P2RY12: variants seen among roughly 807,000 people sequenced by gnomAD.
P2RY12 encodes P2Y purinoceptor 12.
A neutral mutation model predicts 4.5 loss-of-function variants in P2RY12; 3 were observed. That is an observed-to-expected ratio of 0.67 (90% CI 0.31 to 1.74). P2RY12 has a LOEUF of 1.74. Among genes scored for constraint, P2RY12 ranks in the 40% most tolerant of loss-of-function variants. The probability of loss-of-function intolerance (pLI) is 0.09; values close to 1 mark genes in which losing one functional copy is unlikely to be tolerated. For missense variants in P2RY12, 356 were observed against 407.8 expected (o/e 0.87, Z 1.09); for synonymous variants, 148 against 154.1 (o/e 0.96, Z 0.29).
intron 1 of P2RY12, chr3:151,369,446 C>A: frequency 6.2e-7 from 1 of 1,601,410 alleles, no homozygotes; most frequent in South Asian, 1.1e-5. Context: ...GCAAACCTTT[C>A]CCTGGAATAA....
rs539282576 is a variant in P2RY12, at chr3:151,341,819, T to C, written c.-179-1059A>G. Among the ~76,000 whole-genome samples, 276 of 149,568 alleles carry C rather than the reference T, an allele frequency of 1.8e-3. 1 individual carries two copies. The highest frequency in any genetic ancestry group is 3.1e-3 in the Non-Finnish European group (207 of 67,628). On this transcript the variant is annotated intron_variant, in intron 1 of 2. Coordinates refer to ENST00000302632, the MANE Select transcript of P2RY12 (RefSeq NM_022788.5). ...TTCAGTTCCCACCTATGAGTGAGAA[T>C]ATGTGGTGTTTGGTTTTTTGTTCTT...
intron 1 of P2RY12, chr3:151,365,286 A>T: frequency 3.4e-6 from 4 of 1,176,750 alleles, no homozygotes; most frequent in Non-Finnish European, 5.1e-6. Context: ...TGTCGTTAGT[A>T]AGTGTCTGGA....
At chr3:151,346,212 CCTTT>C (rs941282038) in intron 1 of P2RY12, among the ~76,000 whole-genome samples, 8 of 151,978 alleles carry the variant, frequency 5.3e-5, no homozygotes, top group African/African-American at 9.7e-5. Flanking sequence ...GAAAGATGTT[CCTTT>C]CTTTCTTTCC....
intron 1 of P2RY12, chr3:151,357,179 C>G: frequency 6.6e-7 from 1 of 1,525,568 alleles, no homozygotes. Context: ...GTTTTGGCAC[C>G]TACATGTTTA....
intron 1 of P2RY12, among the ~76,000 whole-genome samples, chr3:151,364,544 A>G (rs975323739): frequency 6.6e-6 from 1 of 152,188 alleles, no homozygotes; most frequent in Non-Finnish European, 1.5e-5. Context: ...TGCGTACACT[A>G]TACCAGAGAA....
At position 151,380,858 on chromosome 3, in the gene P2RY12, T is replaced by C. The variant is rs143182783; in HGVS notation, c.-180+3834A>G. Among the ~76,000 whole-genome samples, 344 of 152,312 alleles carry C rather than the reference T, an allele frequency of 2.3e-3. 2 individuals carry two copies. The highest frequency in any genetic ancestry group is 5.8e-3 in the Admixed American group (88 of 15,290). ...GGAGCAATCTATGCTGCAGTAGGCA[T>C]GGCAGTGAGTCCAGCTCCTCAAGCT... On this transcript the variant is annotated intron_variant, in intron 1 of 2. Coordinates refer to ENST00000302632, the MANE Select transcript of P2RY12 (RefSeq NM_022788.5).
At chr3:151,378,342 A>G (rs759064982) in intron 1 of P2RY12, among the ~76,000 whole-genome samples, 1 of 152,246 alleles carries the variant, frequency 6.6e-6, no homozygotes, top group Non-Finnish European at 1.5e-5. Flanking sequence ...AAAAAATTTC[A>G]GGTTATAATC....
chr3:151,364,887 G>C (rs1755081365), intron 1 of P2RY12: 6 of 890,558 alleles, frequency 6.7e-6, no homozygotes, highest in Admixed American at 1.9e-5. Flanking sequence ...ATGCATTACA[G>C]TTCCTGCCAT....
rs1462053887 is a variant in P2RY12, at chr3:151,369,426, G to C, written c.-180+15266C>G. On this transcript the variant is annotated intron_variant, in intron 1 of 2. Coordinates refer to ENST00000302632, the MANE Select transcript of P2RY12 (RefSeq NM_022788.5). ...GTAATGAGACTATTAAAGATTTGTT[G>C]TTTTTGTAGGCAAACCTTTCCCTGG... The C allele has an allele frequency of 5.1e-6, 8 of 1,574,734 alleles. No individual in the cohort carries two copies. The South Asian group carries it at 9.2e-5, about 18-fold the overall frequency.
intron 1 of P2RY12, among the ~76,000 whole-genome samples, chr3:151,368,619 TATTTTATTTTATTTCATTTCATTTC>T (rs1755629117): frequency 1.7e-4 from 14 of 80,688 alleles, no homozygotes; most frequent in Admixed American, 4.0e-4. Context: ...TATTTTATTT[TATTTTATTTTATTTCATTTCATTTC>T]ATTTCATTTC....
chr3:151,369,476 C>T, intron 1 of P2RY12: 3 of 1,611,742 alleles, frequency 1.9e-6, no homozygotes, highest in East Asian at 2.2e-5. Flanking sequence ...GTGATAGACA[C>T]CTCTTAGCCG....
rs1207910392 is a variant in P2RY12 at position 151,364,935 on chromosome 3, C to G, written c.-180+19757G>C. ...TAAGTGAAATAGTTTTCTAGTTATT[C>G]TAGTTTTATTTTTCTGTTTTAACTT... On this transcript the variant is annotated intron_variant, in intron 1 of 2. Transcript: ENST00000302632. The G allele has an allele frequency of 5.2e-6, 7 of 1,336,710 alleles. No homozygotes were observed. In the Admixed American group the frequency reaches 6.8e-5, roughly 13 times the overall value. The allele number at this position is 1,336,710 out of a possible 1,614,324, so 82.8% of individuals were successfully genotyped here.
chr3:151,383,017 T>C (rs1029911181), intron 1 of P2RY12, among the ~76,000 whole-genome samples: 4 of 152,212 alleles, frequency 2.6e-5, no homozygotes, highest in Non-Finnish European at 5.9e-5. Context: ...TCTCTTCAGT[T>C]TGTGCTAAGA....
intron 1 of P2RY12, among the ~76,000 whole-genome samples, chr3:151,346,766 A>G (rs1752599072): frequency 6.6e-6 from 1 of 152,076 alleles, no homozygotes; most frequent in Non-Finnish European, 1.5e-5. Context: ...CACCCCTCCC[A>G]GGACTTGACA....
chr3:151,354,140 CAAAAA>C (rs63033360), intron 1 of P2RY12, among the ~76,000 whole-genome samples: 5 of 62,842 alleles, frequency 8.0e-5, no homozygotes, highest in Non-Finnish European at 8.0e-5. Context: ...GACTCCGTCT[CAAAAA>C]AAAAAAAAAA....
At chr3:151,377,031 A>G (rs780603020) in intron 1 of P2RY12, 22 of 1,614,106 alleles carry the variant, frequency 1.4e-5, no homozygotes, top group Middle Eastern at 1.7e-4. Flanking sequence ...TTACTGGACA[A>G]TATTGCAAAG....
intron 1 of P2RY12, chr3:151,357,503 C>T (rs1754073385): frequency 2.6e-6 from 2 of 777,712 alleles, no homozygotes; most frequent in Non-Finnish European, 3.8e-6. Flanking sequence ...GGTTAAAGAA[C>T]ACTCTTGCCA....
intron 1 of P2RY12, among the ~76,000 whole-genome samples, 173 bp downstream of exon 1, chr3:151,384,519 A>G (rs543414392): frequency 1.3e-5 from 2 of 152,224 alleles, no homozygotes; most frequent in African/African-American, 2.4e-5. Flanking sequence ...GGATAACTCT[A>G]TGCTTGGACT....
chr3:151,366,946 G>T (rs1441564484), intron 1 of P2RY12, among the ~76,000 whole-genome samples: 1 of 152,082 alleles, frequency 6.6e-6, no homozygotes, highest in African/African-American at 2.4e-5. Flanking sequence ...TTATGGTGGT[G>T]TGCTAATAAA....
Sources: allele counts gnomAD v4.1 joint callset (sites outside exome capture counted in the v4.1 genomes callset), GRCh38; gene constraint gnomAD v4.1.1; transcripts MANE v1.5; gene names NCBI Gene and HGNC (gene_info 2026-07-23, HGNC 2026-07-21).